MTREX: variants seen among roughly 807,000 people sequenced by gnomAD.
The protein encoded by MTREX is exosome RNA helicase MTR4.
In MTREX, 76 loss-of-function variants were observed where a neutral mutation model predicts 135.4. The ratio of observed to expected loss-of-function variants is 0.56; its 90% confidence interval spans 0.47 to 0.68. The LOEUF is 0.68. Ranked by LOEUF, MTREX falls within the 30% of genes least tolerant of loss-of-function variation. The probability of loss-of-function intolerance (pLI) is 0.00; values close to 1 mark genes in which losing one functional copy is unlikely to be tolerated. For missense variants in MTREX, 920 were observed against 1,262.1 expected, an observed-to-expected ratio of 0.73 and a Z score of 4.11; for synonymous variants, 404 against 401.6, an observed-to-expected ratio of 1.01 and a Z score of -0.07.
chr5:55,350,691 A>G (rs1749813673), intron 12 of MTREX, among the ~76,000 whole-genome samples: 1 of 152,190 alleles, frequency 6.6e-6, no homozygotes, highest in Admixed American at 6.5e-5. Flanking sequence ...ACAGCAAAGC[A>G]TTTGTAAAGT....
At chr5:55,359,713 A>C (rs1749978049) in intron 15 of MTREX, among the ~76,000 whole-genome samples, 2 of 152,168 alleles carry the variant, frequency 1.3e-5, no homozygotes, top group Admixed American at 1.3e-4. Context: ...CTTTTCTCTA[A>C]TTGTGCCAGA....
intron 19 of MTREX, among the ~76,000 whole-genome samples, chr5:55,394,186 T>A (rs748133332): frequency 2.6e-5 from 4 of 152,236 alleles, no homozygotes; most frequent in African/African-American, 4.8e-5. Context: ...GCCAAGTGAA[T>A]TATTTTTAAT....
At chr5:55,316,821 A>G (rs988963156) in intron 1 of MTREX, among the ~76,000 whole-genome samples, 5 of 152,216 alleles carry the variant, frequency 3.3e-5, no homozygotes, top group Non-Finnish European at 7.3e-5. Flanking sequence ...GGGCATCCAA[A>G]TAGGAAGAGA....
At chr5:55,318,816 C>T (rs140345227) in intron 1 of MTREX, among the ~76,000 whole-genome samples, 291 of 151,892 alleles carry the variant, frequency 1.9e-3, no homozygotes, top group Middle Eastern at 0.01. Context: ...CTTCTCTAGG[C>T]GAGATACAAT....
chr5:55,364,414 C>T (rs981016441), intron 15 of MTREX, among the ~76,000 whole-genome samples: 1 of 152,064 alleles, frequency 6.6e-6, no homozygotes, highest in African/African-American at 2.4e-5. Context: ...CACACTTCTG[C>T]TATGATGTAT....
At chr5:55,422,520 G>A (rs565165871) in intron 25 of MTREX, among the ~76,000 whole-genome samples, 2 of 152,226 alleles carry the variant, frequency 1.3e-5, no homozygotes, top group African/African-American at 4.8e-5. Flanking sequence ...TTGTCGTGGT[G>A]GTCCTTCCCT....
chr5:55,404,337 TATCTA>T (rs1295470975), intron 21 of MTREX, among the ~76,000 whole-genome samples: 1 of 152,202 alleles, frequency 6.6e-6, no homozygotes, highest in East Asian at 1.9e-4. Context: ...TTTTAAAACT[TATCTA>T]CTCTAAAGGA....
chr5:55,364,999 C>T (rs1356731721), intron 15 of MTREX, among the ~76,000 whole-genome samples: 1 of 152,166 alleles, frequency 6.6e-6, no homozygotes, highest in Non-Finnish European at 1.5e-5. Flanking sequence ...TACACTGGTA[C>T]AGCAGGTGTA....
In MTREX at chr5:55,318,198, G is replaced by GA. The variant is rs560128717; in HGVS notation, c.135-4127dup. Among the ~76,000 whole-genome samples, 521 of 152,256 alleles carry GA rather than the reference G, an allele frequency of 3.4e-3. 1 individual carries two copies. Among genetic ancestry groups the GA allele is most frequent in the Middle Eastern group, 0.01 (3 of 294 alleles). On this transcript the variant is annotated intron_variant, in intron 1 of 26. Coordinates refer to ENST00000230640, the MANE Select transcript of MTREX (RefSeq NM_015360.5). The stretch of plus-strand genomic sequence containing the variant: ...AGTGTAAATCAGTTCAACCGTTGTG[G>GA]AAGGCAATATGGCAATTCATCAAAG...
In MTREX at chr5:55,324,215, T is replaced by TA. The variant is rs773721076; in HGVS notation, c.339+18dup. 2.2e-4 allele frequency: 354 copies of TA among 1,580,594 alleles called. No homozygotes were observed. The highest frequency in any genetic ancestry group is 2.9e-4 in the Non-Finnish European group (339 of 1,153,864). ...ACACATGAGGTAAGCACAAACAGCATACAGAAGGTTAGTGTTACAAATGGG... is the reference window on the plus strand; with the variant it reads ...ACACATGAGGTAAGCACAAACAGCATAACAGAAGGTTAGTGTTACAAATGGG... On this transcript the variant is annotated intron_variant, in intron 3 of 26. Coordinates refer to ENST00000230640, the MANE Select transcript of MTREX (RefSeq NM_015360.5).
chr5:55,369,632 C>T (rs1750162564), intron 16 of MTREX, among the ~76,000 whole-genome samples: 1 of 152,182 alleles, frequency 6.6e-6, no homozygotes, highest in Non-Finnish European at 1.5e-5. Context: ...TTCTACTGCT[C>T]ACTCAATGAA....
intron 1 of MTREX, among the ~76,000 whole-genome samples, chr5:55,312,385 A>G (rs1366547610): frequency 6.6e-6 from 1 of 150,958 alleles, no homozygotes; most frequent in Non-Finnish European, 1.5e-5. Context: ...ATTTTTATAT[A>G]TTTACTCCTT....
At position 55,424,857 on chromosome 5, in the gene MTREX, G is replaced by A; in HGVS notation, c.*85G>A. The A allele has an allele frequency of 1.1e-6, 1 of 941,214 alleles. No individual in the cohort carries two copies. Among genetic ancestry groups the A allele is most frequent in the Non-Finnish European group, 1.7e-6 (1 of 584,170 alleles). The allele number at this position is 941,214 out of a possible 1,614,324, so 58.3% of individuals were successfully genotyped here. ...TACAAATGCCTGCAAGTGTGGATTTGGTTCTCCCATACATTTTAATATGTA... is the reference window on the plus strand; with the variant it reads ...TACAAATGCCTGCAAGTGTGGATTTAGTTCTCCCATACATTTTAATATGTA... On this transcript the variant is annotated 3_prime_UTR_variant, in exon 27 of 27. Transcript: ENST00000230640.
intron 16 of MTREX, among the ~76,000 whole-genome samples, chr5:55,367,480 G>A (rs1314979558): frequency 4.4e-5 from 6 of 137,114 alleles, no homozygotes; most frequent in East Asian, 4.5e-4. Flanking sequence ...GGGAGACTCC[G>A]ACTCAAAAAA....
At chr5:55,326,513 A>T (rs1270950632) in intron 3 of MTREX, among the ~76,000 whole-genome samples, 3 of 152,076 alleles carry the variant, frequency 2.0e-5, no homozygotes, top group Admixed American at 2.0e-4. Flanking sequence ...ACTTCTTCCC[A>T]CTTTCTCAGC....
intron 22 of MTREX, among the ~76,000 whole-genome samples, chr5:55,409,573 AT>A (rs534696581): frequency 6.6e-6 from 1 of 152,202 alleles, no homozygotes; most frequent in Non-Finnish European, 1.5e-5. Context: ...ATGTTTCACA[AT>A]TATGGAGCAA....
chr5:55,414,439 A>G (rs1431056674), intron 24 of MTREX, among the ~76,000 whole-genome samples: 1 of 152,142 alleles, frequency 6.6e-6, no homozygotes, highest in African/African-American at 2.4e-5. Flanking sequence ...ATAATTAAAC[A>G]GTATTTCTTC....
chr5:55,404,412 A>G lies in MTREX; in HGVS notation c.2482-1013A>G, dbSNP rs1579897056. ...TCATTTATGTTTTGAATAAAGGCCT[A>G]TTCTCTTTGCTAAAACCATTTCCAG... On this transcript the variant is annotated intron_variant, in intron 21 of 26. Transcript: ENST00000230640. Among the ~76,000 whole-genome samples the G allele has an allele frequency of 1.3e-5, 2 of 152,340 alleles. 1 individual carries two copies. Among genetic ancestry groups the G allele is most frequent in the South Asian group, 4.1e-4 (2 of 4,824 alleles).
intron 19 of MTREX, among the ~76,000 whole-genome samples, chr5:55,390,022 C>T (rs1322678975): frequency 1.3e-5 from 2 of 152,114 alleles, no homozygotes; most frequent in Admixed American, 6.6e-5. Context: ...GTAGGATTTC[C>T]ATAATCATCC....
Sources: gnomAD v4.1 joint callset for allele counts (sites outside exome capture counted in the v4.1 genomes callset) on GRCh38, gnomAD v4.1.1 for gene constraint, MANE v1.5 for transcripts, NCBI Gene and HGNC (gene_info 2026-07-23, HGNC 2026-07-21) for gene names.